The following LONP2 variants were observed in gnomAD, a reference collection of about 807,000 sequenced individuals.
LONP2 encodes the protein lon protease homolog 2, peroxisomal.
Under a neutral mutation model 85.6 loss-of-function variants are expected in LONP2, and 60 were observed. The observed-to-expected ratio is 0.70, with a 90% CI of 0.57 to 0.87. The LOEUF is 0.87. LONP2 is among the 40% of genes least tolerant of loss of function. LONP2 has a pLI of 0.00. For missense variants in LONP2, 860 were observed against 1,063.5 expected, an observed-to-expected ratio of 0.81 and a Z score of 2.66; for synonymous variants, 395 against 389.7, an observed-to-expected ratio of 1.01 and a Z score of -0.16.
chr16:48,328,835 AAG>A (rs949144767), intron 11 of LONP2, among the ~76,000 whole-genome samples: 19 of 142,766 alleles, frequency 1.3e-4, no homozygotes, highest in African/African-American at 4.6e-4. Context: ...TCAAAAAAAA[AAG>A]GGGGGGAGGG....
chr16:48,317,462 G>A (rs1973169949), intron 11 of LONP2, among the ~76,000 whole-genome samples: 2 of 152,210 alleles, frequency 1.3e-5, no homozygotes, highest in South Asian at 4.1e-4. Context: ...AAAAGAGGGG[G>A]AAAAAACAAC....
intron 12 of LONP2, among the ~76,000 whole-genome samples, chr16:48,336,809 G>T (rs1959663153): frequency 1.3e-5 from 2 of 152,202 alleles, no homozygotes; most frequent in Non-Finnish European, 2.9e-5. Context: ...TATACATGCA[G>T]GTCACAGGGG....
Position 48,297,070 on chromosome 16 carries a change from C to T in LONP2, c.1534+905C>T, listed in dbSNP as rs531096615. 1.7e-4 allele frequency among the ~76,000 whole-genome samples: 26 copies of T among 152,162 alleles called. No individual in the cohort carries two copies. The East Asian group carries it at 2.1e-3, about 12-fold the overall frequency. ...TTGCCCAGGCTGGAGTGCAGTGGCA[C>T]GATCTCGGCTCACTGCAGCCTCCGC... On this transcript the variant is annotated intron_variant, in intron 9 of 14. Transcript: ENST00000285737.
At chr16:48,348,015 C>T (rs1262404987) in intron 13 of LONP2, 85 bp from the exon 14 acceptor site, 1 of 1,268,124 alleles carries the variant, frequency 7.9e-7, no homozygotes, top group South Asian at 1.4e-5. Flanking sequence ...CCAAAACATT[C>T]ATTTTTGTTT....
At chr16:48,273,700 A>C (rs1596932877) in intron 7 of LONP2, among the ~76,000 whole-genome samples, 1 of 152,236 alleles carries the variant, frequency 6.6e-6, no homozygotes, top group East Asian at 1.9e-4. Context: ...AAGGTAACTA[A>C]CTTCTTTTAA....
At position 48,299,723 on chromosome 16, in the gene LONP2, A is replaced by G; in HGVS notation, c.1596A>G (p.Glu532=). The stretch of plus-strand genomic sequence containing the variant: ...GGCACTTGATCCCCAAGCAGCTGGA[A>G]CAACATGGGCTGACTCCACAGCAGA... ...AHRHLIPKQL[E]QHGLTPQQIQ... The change falls in exon 10 of 15, where the codon GAA becomes GAG. Residue 532 remains glutamate, a synonymous_variant. Transcript: ENST00000285737. 1.9e-6 allele frequency: 3 copies of G among 1,614,096 alleles called. No individual in the cohort carries two copies. Among genetic ancestry groups the G allele is most frequent in the South Asian group, 2.2e-5 (2 of 91,066 alleles).
chr16:48,299,565 G>A (rs911248345), intron 9 of LONP2, 97 bp from the exon 10 acceptor site: 13 of 1,367,510 alleles, frequency 9.5e-6, no homozygotes, highest in Non-Finnish European at 1.3e-5. Flanking sequence ...CTGGGCGACA[G>A]AGCAAGACTC....
At chr16:48,268,329 C>T (rs566939201) in intron 6 of LONP2, among the ~76,000 whole-genome samples, 1 of 152,204 alleles carries the variant, frequency 6.6e-6, no homozygotes, top group East Asian at 1.9e-4. Context: ...TCAGTCTTTT[C>T]TAAATTATCT....
Position 48,353,804 on chromosome 16 carries a change from G to C in LONP2, c.*2002G>C, listed in dbSNP as rs1281445177. 1 of 152,108 alleles carries C rather than the reference G, an allele frequency of 6.6e-6. No individual in the cohort carries two copies. Among genetic ancestry groups the C allele is most frequent in the East Asian group, 1.9e-4 (1 of 5,192 alleles). The allele number at this position is 152,108 out of a possible 1,614,324, so 9.4% of individuals were successfully genotyped here. ...TGTTCCACCCAGCAGGGGCAACAAG[G>C]ATATAACTTGGGGTTCTCGGTATTC... On this transcript the variant is annotated 3_prime_UTR_variant, in exon 15 of 15. Transcript: ENST00000285737.
chr16:48,360,321 G>C (rs1407382679), downstream of LONP2, among the ~76,000 whole-genome samples: 1 of 152,184 alleles, frequency 6.6e-6, no homozygotes, highest in Non-Finnish European at 1.5e-5. Flanking sequence ...CCTGACAGTT[G>C]TAAGAATCAA....
Position 48,296,184 on chromosome 16 carries a change from A to G in LONP2, c.1534+19A>G, listed in dbSNP as rs1972666244. On this transcript the variant is annotated intron_variant, in intron 9 of 14. Transcript: ENST00000285737. ...GTTCCAGGTACCTGACTCTTAAATC[A>G]TTATGATACATCTTGCCTTTCTGAC... 6.2e-7 allele frequency: 1 copy of G among 1,611,444 alleles called. No individual in the cohort carries two copies. Among genetic ancestry groups the G allele is most frequent in the Admixed American group, 1.7e-5 (1 of 59,556 alleles).
At chr16:48,288,170 T>C (rs79196880) in intron 8 of LONP2, among the ~76,000 whole-genome samples, 1 of 149,876 alleles carries the variant, frequency 6.7e-6, no homozygotes, top group Non-Finnish European at 1.5e-5. Flanking sequence ...TTTTTTTTTT[T>C]TGAGACGGAG....
chr16:48,283,247 C>T (rs1190946139), intron 8 of LONP2, among the ~76,000 whole-genome samples: 1 of 152,234 alleles, frequency 6.6e-6, no homozygotes, highest in Non-Finnish European at 1.5e-5. Context: ...GTAGAAGCTG[C>T]ATCATGTTAT....
chr16:48,255,491 G>A (rs1275576979), intron 2 of LONP2, among the ~76,000 whole-genome samples: 2 of 152,196 alleles, frequency 1.3e-5, no homozygotes, highest in African/African-American at 2.4e-5. Flanking sequence ...CACAGTTACT[G>A]AAAGTGTGCC....
At chr16:48,260,803 C>G (rs1971859819) in intron 4 of LONP2, among the ~76,000 whole-genome samples, 1 of 152,214 alleles carries the variant, frequency 6.6e-6, no homozygotes, top group Non-Finnish European at 1.5e-5. Context: ...AGGATGGGAA[C>G]AGATGCCGAA....
At chr16:48,308,362 C>T (rs1972956310) in intron 11 of LONP2, among the ~76,000 whole-genome samples, 1 of 152,128 alleles carries the variant, frequency 6.6e-6, no homozygotes. Flanking sequence ...CTAGGTGGCT[C>T]ACACCTGTAA....
chr16:48,318,080 G>C (rs1368775359), intron 11 of LONP2, among the ~76,000 whole-genome samples: 1 of 150,982 alleles, frequency 6.6e-6, no homozygotes, highest in Non-Finnish European at 1.5e-5. Flanking sequence ...GAGAAGAATA[G>C]TTAAAAAAAA....
At chr16:48,346,072 A>G (rs907270475) in intron 12 of LONP2, 2 of 151,880 alleles carry the variant, frequency 1.3e-5, no homozygotes, top group African/African-American at 4.8e-5. Flanking sequence ...AAAGAGGAAA[A>G]GAAGTGCCCA....
chr16:48,276,941 G>A (rs1972220656), intron 7 of LONP2, among the ~76,000 whole-genome samples: 1 of 152,144 alleles, frequency 6.6e-6, no homozygotes, highest in Non-Finnish European at 1.5e-5. Flanking sequence ...ATTTCAGTGT[G>A]CATAAAGGTG....
Sources: allele counts gnomAD v4.1 joint callset (sites outside exome capture counted in the v4.1 genomes callset), GRCh38; gene constraint gnomAD v4.1.1; transcripts MANE v1.5; gene names NCBI Gene and HGNC (gene_info 2026-07-23, HGNC 2026-07-21).